RFX4: variants seen among roughly 807,000 people sequenced by gnomAD.
RFX4 encodes transcription factor RFX4.
Under a neutral mutation model 95.0 loss-of-function variants are expected in RFX4, and 10 were observed. The ratio of observed to expected loss-of-function variants is 0.11; its 90% confidence interval spans 0.06 to 0.18. The LOEUF is 0.18. RFX4 is among the 10% of genes least tolerant of loss of function. The pLI is 1.00. For synonymous variants in RFX4, 321 were observed against 340.7 expected, an observed-to-expected ratio of 0.94 and a Z score of 0.64; for missense variants, 640 against 922.0, an observed-to-expected ratio of 0.69 and a Z score of 3.96.
chr12:106,684,486 TAGA>T (rs2041598711), intron 5 of RFX4, among the ~76,000 whole-genome samples: 1 of 152,148 alleles, frequency 6.6e-6, no homozygotes, highest in South Asian at 2.1e-4. Flanking sequence ...AGAACTGAAA[TAGA>T]AGAACTCAAG....
chr12:106,724,021 A>T (rs558042846), intron 13 of RFX4, among the ~76,000 whole-genome samples: 1 of 152,330 alleles, frequency 6.6e-6, no homozygotes, highest in South Asian at 2.1e-4. Flanking sequence ...AGAAACATGT[A>T]TTGAGGGCCG....
intron 4 of RFX4, among the ~76,000 whole-genome samples, chr12:106,660,810 G>A (rs2041055445): frequency 6.6e-6 from 1 of 152,136 alleles, no homozygotes; most frequent in Admixed American, 6.5e-5. Context: ...GATTTTCACA[G>A]GAGTGAGAAC....
chr12:106,600,557 C>G (rs926342628), intron 1 of RFX4, among the ~76,000 whole-genome samples: 6 of 152,154 alleles, frequency 3.9e-5, no homozygotes, highest in African/African-American at 1.4e-4. Flanking sequence ...TTGCCAAATG[C>G]AGACAGGGAT....
intron 5 of RFX4, chr12:106,684,804 T>C (rs1252118302): frequency 1.3e-6 from 2 of 1,549,728 alleles, no homozygotes; most frequent in Non-Finnish European, 1.7e-6. Context: ...CTGATAACCA[T>C]ACTGGCAAAA....
At chr12:106,718,469 T>C (rs1400928796) in intron 11 of RFX4, among the ~76,000 whole-genome samples, 1 of 152,234 alleles carries the variant, frequency 6.6e-6, no homozygotes, top group Non-Finnish European at 1.5e-5. Flanking sequence ...TTTGTTTGTC[T>C]CTTTCTTCAC....
chr12:106,663,637 C>T (rs2041118950), intron 4 of RFX4, among the ~76,000 whole-genome samples: 1 of 151,754 alleles, frequency 6.6e-6, no homozygotes, highest in Non-Finnish European at 1.5e-5. Context: ...GCTTGGTCCT[C>T]ATCATAGTGG....
intron 7 of RFX4, among the ~76,000 whole-genome samples, chr12:106,690,084 G>A (rs2091743721): frequency 1.3e-5 from 2 of 152,300 alleles, no homozygotes; most frequent in South Asian, 2.1e-4. Context: ...GTTGTGGGAA[G>A]GGGGTGCTGT....
chr12:106,711,966 A>G (rs1364671667), intron 10 of RFX4, among the ~76,000 whole-genome samples: 1 of 152,260 alleles, frequency 6.6e-6, no homozygotes, highest in Admixed American at 6.5e-5. Flanking sequence ...ATTTAAAAAT[A>G]TAAGTGTAGT....
chr12:106,590,235 T>C (rs757660975), intron 1 of RFX4, among the ~76,000 whole-genome samples: 1 of 152,240 alleles, frequency 6.6e-6, no homozygotes, highest in Non-Finnish European at 1.5e-5. Context: ...CTTATGGGAT[T>C]GATACAACCA....
intron 4 of RFX4, among the ~76,000 whole-genome samples, chr12:106,671,277 C>T (rs1290674096): frequency 6.6e-6 from 1 of 152,108 alleles, no homozygotes; most frequent in East Asian, 1.9e-4. Flanking sequence ...TTTTTGGAAA[C>T]AAACGCCCGA....
chr12:106,709,825 C>T (rs528137171), intron 9 of RFX4, among the ~76,000 whole-genome samples: 2 of 152,146 alleles, frequency 1.3e-5, no homozygotes, highest in African/African-American at 2.4e-5. Context: ...GAGAGTTCCC[C>T]CAAAGCCACG....
rs979901277 is a variant in RFX4 at position 106,586,671 on chromosome 12, G to T, written c.43+3308G>T. On this transcript the variant is annotated intron_variant, in intron 1 of 17. Transcript: ENST00000392842. This position sits in a 1 kb window ranked among gnomAD's most constrained non-coding sequence, Gnocchi z 5.6. Reference sequence around the variant, plus strand: ...GAGCCGGATTTGAGTTCCCCGGGCCGCATCGGTGGGAGGGCACGCTAGTTT... The same window carrying T: ...GAGCCGGATTTGAGTTCCCCGGGCCTCATCGGTGGGAGGGCACGCTAGTTT... Among the ~76,000 whole-genome samples, 39 of 152,160 alleles carry T rather than the reference G, an allele frequency of 2.6e-4. No individual in the cohort carries two copies. Among genetic ancestry groups the T allele is most frequent in the Non-Finnish European group, 1.0e-4 (7 of 68,028 alleles).
intron 8 of RFX4, among the ~76,000 whole-genome samples, chr12:106,700,419 T>G (rs2041964394): frequency 6.9e-6 from 1 of 145,850 alleles, no homozygotes; most frequent in Non-Finnish European, 1.5e-5. Context: ...TTTTTTTTTT[T>G]TTTTTGAGAC....
chr12:106,723,877 T>C (rs1655830792), intron 13 of RFX4, among the ~76,000 whole-genome samples: 1 of 152,190 alleles, frequency 6.6e-6, no homozygotes, highest in African/African-American at 2.4e-5. Flanking sequence ...GACTTGCGTG[T>C]GGACTCAGGG....
Position 106,720,086 on chromosome 12 carries a change from G to A in RFX4, c.1233+32G>A. On this transcript the variant is annotated intron_variant, in intron 12 of 17. Transcript: ENST00000392842. This position sits in a 1 kb window ranked among gnomAD's most constrained non-coding sequence, Gnocchi z 4.2. ...AAACCGGCACCTAGCGGGCAGCCTT[G>A]GGCCCTGCAGCCCACCACTGCCCTC... 6.4e-7 allele frequency: 1 copy of A among 1,570,844 alleles called. No homozygotes were observed.
chr12:106,613,691 T>G (rs770593968), intron 2 of RFX4, among the ~76,000 whole-genome samples: 1 of 152,128 alleles, frequency 6.6e-6, no homozygotes, highest in Non-Finnish European at 1.5e-5. Context: ...GGGATATTAG[T>G]CTGTAGTTTT....
intron 1 of RFX4, among the ~76,000 whole-genome samples, chr12:106,584,038 G>C (rs1159676608): frequency 1.3e-5 from 2 of 152,224 alleles, no homozygotes; most frequent in East Asian, 3.9e-4. Flanking sequence ...TTGCTGGAGG[G>C]AGGGCAGGAC....
rs918714649 is a variant in RFX4 at position 106,720,463 on chromosome 12, C to G, written c.1234-296C>G. ...GTGGTGCGATCACAGCTCACTGCAG[C>G]CTTGACCTCCCCAGGCTCATGTGAT... On this transcript the variant is annotated intron_variant, in intron 12 of 17. Coordinates refer to ENST00000392842, the MANE Select transcript of RFX4 (RefSeq NM_213594.3). The surrounding 1 kb of genome is among the most constrained non-coding windows in gnomAD (Gnocchi z 4.2). Among the ~76,000 whole-genome samples the G allele has an allele frequency of 6.6e-6, 1 of 152,154 alleles. No individual in the cohort carries two copies. Among genetic ancestry groups the G allele is most frequent in the Non-Finnish European group, 1.5e-5 (1 of 68,030 alleles).
At chr12:106,657,082 A>G (rs12309623) in intron 4 of RFX4, among the ~76,000 whole-genome samples, 2,897 of 152,274 alleles carry the variant, frequency 0.019, 94 homozygotes, top group African/African-American at 0.066. Flanking sequence ...GCTGGATTGA[A>G]ATCCCAGACA....
Sources: gnomAD v4.1 joint callset for allele counts (sites outside exome capture counted in the v4.1 genomes callset) on GRCh38, gnomAD v4.1.1 for gene constraint, Gnocchi (gnomAD v3.1) non-coding constraint, MANE v1.5 for transcripts, NCBI Gene and HGNC (gene_info 2026-07-23, HGNC 2026-07-21) for gene names.